Variants in ENTHD1 observed in about 807,000 individuals in gnomAD.
ENTHD1 encodes ENTH domain-containing protein 1.
ENTHD1 carries 23 observed loss-of-function variants against 39.1 expected under a neutral mutation model. The ratio of observed to expected loss-of-function variants is 0.59; its 90% CI spans 0.42 to 0.83. The LOEUF (loss-of-function observed/expected upper bound fraction) is 0.83, where lower values mean the gene tolerates loss of function less well. ENTHD1 is among the 40% of genes least tolerant of loss of function. ENTHD1 has a pLI of 0.00. For missense variants in ENTHD1, 624 were observed against 705.4 expected (o/e 0.88, Z 1.31); for synonymous variants, 230 against 258.2 (o/e 0.89, Z 1.05).
At chr22:39,891,316 G>T (rs915179597) in intron 1 of ENTHD1, among the ~76,000 whole-genome samples, 1 of 152,078 alleles carries the variant, frequency 6.6e-6, no homozygotes, top group Non-Finnish European at 1.5e-5. Context: ...TGGGGGCAGG[G>T]ACCTTGACGG....
At chr22:39,850,723 C>T (rs961208247) in intron 3 of ENTHD1, among the ~76,000 whole-genome samples, 7 of 152,064 alleles carry the variant, frequency 4.6e-5, no homozygotes, top group African/African-American at 1.4e-4. Context: ...TTATCATGCA[C>T]GTTTACCTTT....
intron 2 of ENTHD1, chr22:39,875,370 G>C: frequency 1.4e-6 from 2 of 1,392,282 alleles, no homozygotes; most frequent in Non-Finnish European, 1.8e-6. Context: ...GGCGCGCTGC[G>C]GCCCTTGGTG....
chr22:39,768,694 T>C (rs1354595315), intron 5 of ENTHD1, among the ~76,000 whole-genome samples: 1 of 152,108 alleles, frequency 6.6e-6, no homozygotes, highest in Non-Finnish European at 1.5e-5. Context: ...ATAGGAGGTG[T>C]CAAATGTTTG....
chr22:39,875,422 C>G, intron 2 of ENTHD1: 1 of 1,497,344 alleles, frequency 6.7e-7, no homozygotes, highest in Non-Finnish European at 8.8e-7. Flanking sequence ...CTGTGTTGGA[C>G]CTGAAGCGGC....
chr22:39,885,785 G>A (rs1266346263), intron 2 of ENTHD1, among the ~76,000 whole-genome samples: 2 of 152,174 alleles, frequency 1.3e-5, no homozygotes, highest in African/African-American at 2.4e-5. Flanking sequence ...GGAAAATTTA[G>A]AGACAGATAG....
chr22:39,860,196 T>C (rs187348371), intron 3 of ENTHD1, among the ~76,000 whole-genome samples: 1 of 152,320 alleles, frequency 6.6e-6, no homozygotes, highest in Admixed American at 6.5e-5. Context: ...CTGCTGAATA[T>C]CCAAATTTTA....
At chr22:39,853,531 AAAAC>A (rs1173887609) in intron 3 of ENTHD1, among the ~76,000 whole-genome samples, 2 of 152,118 alleles carry the variant, frequency 1.3e-5, no homozygotes, top group Non-Finnish European at 2.9e-5. Flanking sequence ...ACTCTGTCTC[AAAAC>A]AAACAACAAC....
At chr22:39,876,336 C>T (rs536362864) in intron 2 of ENTHD1, among the ~76,000 whole-genome samples, 55 of 152,190 alleles carry the variant, frequency 3.6e-4, no homozygotes, top group South Asian at 8.3e-4. Flanking sequence ...GTCATACACG[C>T]GAAAGGTACA....
At chr22:39,809,947 A>C (rs2146630466) in intron 5 of ENTHD1, among the ~76,000 whole-genome samples, 1 of 152,288 alleles carries the variant, frequency 6.6e-6, no homozygotes, top group African/African-American at 2.4e-5. Flanking sequence ...GTGGTGGTTA[A>C]TGAATCACAG....
chr22:39,789,687 T>G (rs2065488786), intron 5 of ENTHD1, among the ~76,000 whole-genome samples: 1 of 152,200 alleles, frequency 6.6e-6, no homozygotes, highest in Admixed American at 6.5e-5. Flanking sequence ...GACAAAGTCT[T>G]TGCCCTCTTA....
At chr22:39,768,207 T>C (rs1350703600) in intron 5 of ENTHD1, among the ~76,000 whole-genome samples, 1 of 152,186 alleles carries the variant, frequency 6.6e-6, no homozygotes, top group Non-Finnish European at 1.5e-5. Flanking sequence ...CAATTACTAC[T>C]TTATAGTTTA....
chr22:39,852,022 T>C (rs769252480), intron 3 of ENTHD1, among the ~76,000 whole-genome samples: 5 of 152,288 alleles, frequency 3.3e-5, no homozygotes, highest in Admixed American at 6.5e-5. Flanking sequence ...CATCTCTCTA[T>C]ATGCATGTAT....
intron 5 of ENTHD1, among the ~76,000 whole-genome samples, chr22:39,797,746 G>T (rs1419917557): frequency 1.3e-5 from 2 of 152,032 alleles, no homozygotes; most frequent in African/African-American, 2.4e-5. Flanking sequence ...TTTTATTTCA[G>T]GACTGAATAT....
At chr22:39,802,870 T>C (rs929220779) in intron 5 of ENTHD1, among the ~76,000 whole-genome samples, 2 of 152,204 alleles carry the variant, frequency 1.3e-5, no homozygotes, top group Admixed American at 6.5e-5. Flanking sequence ...CAATCAGTCA[T>C]GAGGAAATCC....
chr22:39,847,619 T>C (rs2066001243), intron 3 of ENTHD1, among the ~76,000 whole-genome samples: 1 of 151,274 alleles, frequency 6.6e-6, no homozygotes, highest in Admixed American at 6.6e-5. Flanking sequence ...CTCAAATTCC[T>C]GGGCTCAAGA....
chr22:39,798,327 C>T (rs747420152), intron 5 of ENTHD1, among the ~76,000 whole-genome samples: 42 of 151,996 alleles, frequency 2.8e-4, no homozygotes, highest in Admixed American at 5.9e-4. Context: ...GTAAATTTCT[C>T]ATTTATATCC....
chr22:39,799,873 T>G (rs948466186), intron 5 of ENTHD1, among the ~76,000 whole-genome samples: 4 of 152,158 alleles, frequency 2.6e-5, no homozygotes, highest in Non-Finnish European at 5.9e-5. Context: ...GCTGCAACCT[T>G]CTGGGTAGTT....
At chr22:39,848,341 C>T (rs901319681) in intron 3 of ENTHD1, among the ~76,000 whole-genome samples, 9 of 152,116 alleles carry the variant, frequency 5.9e-5, no homozygotes, top group Non-Finnish European at 1.3e-4. Flanking sequence ...GCAACCTCCG[C>T]CTCCTGGGTT....
At chr22:39,767,614 C>T (rs1325324965) in intron 5 of ENTHD1, among the ~76,000 whole-genome samples, 1 of 152,134 alleles carries the variant, frequency 6.6e-6, no homozygotes, top group Non-Finnish European at 1.5e-5. Flanking sequence ...AAATATTTTT[C>T]CATTGACTTT....
Sources: gnomAD v4.1 joint callset for allele counts (sites outside exome capture counted in the v4.1 genomes callset) on GRCh38, gnomAD v4.1.1 for gene constraint, MANE v1.5 for transcripts, NCBI Gene and HGNC (gene_info 2026-07-23, HGNC 2026-07-21) for gene names.